CCDC180: variants seen among roughly 807,000 people sequenced by gnomAD.
The protein encoded by CCDC180 is coiled-coil domain-containing protein 180.
In CCDC180, 154 loss-of-function variants were observed where a neutral mutation model predicts 209.2. The observed-to-expected ratio is 0.74, with a 90% CI of 0.65 to 0.84. CCDC180 has a LOEUF of 0.84. Ranked by LOEUF, CCDC180 falls within the 40% of genes least tolerant of loss-of-function variation. The pLI, the probability that CCDC180 is intolerant of heterozygous loss-of-function variation, is 0.00. For synonymous variants in CCDC180, 778 were observed against 749.1 expected, an observed-to-expected ratio of 1.04 and a Z score of -0.63; for missense variants, 1,874 against 1,997.3, an observed-to-expected ratio of 0.94 and a Z score of 1.18.
rs1430515670 is a variant in CCDC180 at position 97,357,701 on chromosome 9, T to C, written c.3339T>C (p.Cys1113=). Reference sequence around the variant, plus strand: ...AGCTTCAGAACAAGATAAAAACTTGTCAAGAGTCCAGGGGAGAGAAAACCG... The same window carrying C: ...AGCTTCAGAACAAGATAAAAACTTGCCAAGAGTCCAGGGGAGAGAAAACCG... ...LQQLQNKIKT[C]QESRGEKTTV... The change falls in exon 25 of 37, where the codon TGT becomes TGC. Residue 1113 remains cysteine, a synonymous_variant. Transcript: ENST00000529487. 1 of 1,612,964 alleles carries C rather than the reference T, an allele frequency of 6.2e-7. No homozygotes were observed. Among genetic ancestry groups the C allele is most frequent in the African/African-American group, 1.3e-5 (1 of 74,878 alleles).
chr9:97,334,114 A>C (rs1433031454), intron 18 of CCDC180, among the ~76,000 whole-genome samples: 1 of 152,162 alleles, frequency 6.6e-6, no homozygotes, highest in Admixed American at 6.6e-5. Flanking sequence ...TCTGTTTCCC[A>C]GTAAAATTTT....
intron 14 of CCDC180, 97 bp downstream of exon 14, chr9:97,325,289 T>G (rs989375107): frequency 1.5e-6 from 2 of 1,313,746 alleles, no homozygotes; most frequent in Non-Finnish European, 2.1e-6. Context: ...GCTATGAAAT[T>G]TGTGCAGATG....
chr9:97,349,651 G>A (rs1826368563), intron 21 of CCDC180, among the ~76,000 whole-genome samples: 1 of 152,258 alleles, frequency 6.6e-6, no homozygotes, highest in South Asian at 2.1e-4. Flanking sequence ...AATGGAGAAA[G>A]ATGGGAGAGG....
intron 24 of CCDC180, among the ~76,000 whole-genome samples, chr9:97,355,892 C>T (rs1436052657): frequency 1.3e-5 from 2 of 152,088 alleles, no homozygotes; most frequent in African/African-American, 2.4e-5. Context: ...GGGGCTGGAG[C>T]CCAGGACTGC....
intron 18 of CCDC180, among the ~76,000 whole-genome samples, chr9:97,333,512 T>TG (rs1825811128): frequency 2.0e-5 from 3 of 149,270 alleles, no homozygotes; most frequent in Admixed American, 6.6e-5. Context: ...GGTTTTTTTT[T>TG]TTTTTTTTTT....
chr9:97,361,685 G>A (rs1176740077), intron 26 of CCDC180, 41 bp from the exon 27 acceptor site: 2 of 1,603,952 alleles, frequency 1.2e-6, no homozygotes, highest in Middle Eastern at 1.7e-4. Flanking sequence ...TGGCACCTGG[G>A]CTGGTCCTTA....
At chr9:97,362,482 T>TC (rs750752239) in intron 28 of CCDC180, 41 bp downstream of exon 28, 98 of 1,590,666 alleles carry the variant, frequency 6.2e-5, no homozygotes, top group Non-Finnish European at 8.0e-5. Context: ...TCCCAGTCCA[T>TC]CCCCCCACAC....
chr9:97,326,664 A>C lies in CCDC180; in HGVS notation c.1656A>C (p.Lys552Asn). The change falls in exon 15 of 37, where the codon AAA (lysine) becomes AAC (asparagine). Residue 552 changes from lysine to asparagine, a missense_variant. Transcript: ENST00000529487. ...EKVKDYLKNM[K>N]SRYECFHTLL... ...TCAAAGATTATCTGAAGAACATGAAATCCAGGTAGGCCAACCAGACTCCAG... is the reference window on the plus strand; with the variant it reads ...TCAAAGATTATCTGAAGAACATGAACTCCAGGTAGGCCAACCAGACTCCAG... 5 of 1,600,592 alleles carry C rather than the reference A, an allele frequency of 3.1e-6. No homozygotes were observed. Among genetic ancestry groups the C allele is most frequent in the East Asian group, 2.2e-5 (1 of 44,802 alleles).
Position 97,354,905 on chromosome 9 carries a change from TCAA to T in CCDC180, c.3165_3167del (p.Asn1055del), listed in dbSNP as rs1196871286. 1.2e-6 allele frequency: 2 copies of T among 1,613,344 alleles called. No individual in the cohort carries two copies. Among genetic ancestry groups the T allele is most frequent in the African/African-American group, 1.3e-5 (1 of 75,052 alleles). ...CTCTCTGTACAGGCCAATGATGTCA[TCAA>T]CAAGTTTGAAAGCAAATTCCATAAC... On this transcript the variant is annotated inframe_deletion, in exon 24 of 37. Coordinates refer to ENST00000529487, the MANE Select transcript of CCDC180 (RefSeq NM_020893.6).
At chr9:97,316,381 G>A (rs966782414) in intron 8 of CCDC180, among the ~76,000 whole-genome samples, 1 of 152,200 alleles carries the variant, frequency 6.6e-6, no homozygotes, top group Non-Finnish European at 1.5e-5. Context: ...AAGCATTACT[G>A]GAATTTCTAG....
chr9:97,371,381 C>G, intron 33 of CCDC180: 1 of 397,854 alleles, frequency 2.5e-6, no homozygotes, highest in East Asian at 3.5e-5. Context: ...TGTGTGTGTC[C>G]CTTGGCCGTT....
chr9:97,335,826 C>T (rs1355440453), intron 18 of CCDC180, among the ~76,000 whole-genome samples: 1 of 152,218 alleles, frequency 6.6e-6, no homozygotes, highest in Admixed American at 6.5e-5. Flanking sequence ...TCCCCACATC[C>T]TCTCCAGCAC....
Position 97,317,162 on chromosome 9 carries a change from A to C in CCDC180, c.893A>C (p.His298Pro). 2 of 1,613,232 alleles carry C rather than the reference A, an allele frequency of 1.2e-6. No individual in the cohort carries two copies. The highest frequency in any genetic ancestry group is 1.7e-6 in the Non-Finnish European group (2 of 1,179,656). Residue 298 changes from histidine to proline, a missense_variant, in exon 9 of 37, where the codon CAC becomes CCC. By Grantham distance (77) the His-to-Pro change is moderately conservative. Coordinates refer to ENST00000529487, the MANE Select transcript of CCDC180 (RefSeq NM_020893.6). ...STLQQELDSRHRWQGLVDTWK... is the reference protein window; with the variant it reads ...STLQQELDSRPRWQGLVDTWK... ...CTGCAGCAGGAGCTGGACAGCCGCC[A>C]CCGCTGGCAAGGCTTGGTGGACACC...
chr9:97,370,702 A>G lies in CCDC180; in HGVS notation c.4412A>G (p.Glu1471Gly). 1 of 1,614,070 alleles carries G rather than the reference A, an allele frequency of 6.2e-7. No homozygotes were observed. The highest frequency in any genetic ancestry group is 2.2e-5 in the East Asian group (1 of 44,876). ...CACCCCGTACATTTCCAAGAAATGG[A>G]GTCTCTACACTTAAGTGAAGAGGAA... ...LGHPVHFQEMESLHLSEEERQ... is the reference protein window; with the variant it reads ...LGHPVHFQEMGSLHLSEEERQ... The change falls in exon 33 of 37, where the codon GAG becomes GGG. Residue 1471 changes from glutamate (E) to glycine (G), a missense_variant. Transcript: ENST00000529487.
chr9:97,374,535 G>C lies in CCDC180; in HGVS notation c.4601-8G>C, dbSNP rs757461520. 6.2e-7 allele frequency: 1 copy of C among 1,610,266 alleles called. No individual in the cohort carries two copies. Among genetic ancestry groups the C allele is most frequent in the Non-Finnish European group, 8.5e-7 (1 of 1,177,076 alleles). ...GGCTGCAGTCACTAGCCTGTCTTTT[G>C]CCTCTAGGGATGGAGCCCCCCAAAC... On this transcript the variant is annotated splice_region_variant and splice_polypyrimidine_tract_variant and intron_variant, in intron 34 of 36. Transcript: ENST00000529487.
Position 97,369,918 on chromosome 9 carries a change from G to C in CCDC180, c.4190-4G>C, listed in dbSNP as rs1386364206. On this transcript the variant is annotated splice_polypyrimidine_tract_variant and splice_region_variant and intron_variant, in intron 31 of 36. Transcript: ENST00000529487. ...CCTTGGCCTCTTACCCGCACTTCTG[G>C]CAGAATTACGGATCCAGATCAGGAG... The C allele has an allele frequency of 6.2e-7, 1 of 1,613,888 alleles. No homozygotes were observed. Among genetic ancestry groups the C allele is most frequent in the Non-Finnish European group, 8.5e-7 (1 of 1,179,982 alleles).
chr9:97,358,894 A>T (rs1826668973), intron 25 of CCDC180, among the ~76,000 whole-genome samples: 1 of 152,144 alleles, frequency 6.6e-6, no homozygotes, highest in Admixed American at 6.5e-5. Context: ...CACTGAGAGG[A>T]TGTTTATTTT....
In CCDC180 at chr9:97,330,848, G is replaced by A. The variant is rs372984964; in HGVS notation, c.2274+81G>A. The A allele has an allele frequency of 2.2e-4, 288 of 1,307,302 alleles. 5 individuals are homozygous for A. The South Asian group carries it at 3.9e-3, about 18-fold the overall frequency. 81.0% of individuals were successfully genotyped at this position (1,307,302 alleles called of 1,614,324 possible). A position where few individuals can be genotyped will look rare whatever the true frequency, so the allele number is the denominator to read the frequency against. ...TGTGTTTATCCCTAGTGTAAGCTGGGGTCTTCAGTGGCCCAGTCTCCATAG... is the reference window on the plus strand; with the variant it reads ...TGTGTTTATCCCTAGTGTAAGCTGGAGTCTTCAGTGGCCCAGTCTCCATAG... On this transcript the variant is annotated intron_variant, in intron 18 of 36. Transcript: ENST00000529487.
chr9:97,363,752 C>G, intron 28 of CCDC180: 1 of 530,208 alleles, frequency 1.9e-6, no homozygotes. Flanking sequence ...TTTGGGTCCT[C>G]ATCACGGGGA....
Sources: gnomAD v4.1 joint callset for allele counts (sites outside exome capture counted in the v4.1 genomes callset) on GRCh38, gnomAD v4.1.1 for gene constraint, MANE v1.5 for transcripts, NCBI Gene and HGNC (gene_info 2026-07-23, HGNC 2026-07-21) for gene names.